The following CDH12 variants were observed in gnomAD, a reference collection of about 807,000 sequenced individuals.
The protein encoded by CDH12 is cadherin 12, also known as cadherin-12.
Under a neutral mutation model 74.1 loss-of-function variants are expected in CDH12, and 41 were observed. The ratio of observed to expected loss-of-function variants is 0.55; its 90% CI spans 0.43 to 0.72. The LOEUF is 0.72. CDH12 is among the 30% of genes least tolerant of loss of function. The probability of loss-of-function intolerance (pLI) is 0.00; values close to 1 mark genes in which losing one functional copy is unlikely to be tolerated. For missense variants in CDH12, 945 were observed against 977.2 expected, an observed-to-expected ratio of 0.97 and a Z score of 0.44; for synonymous variants, 399 against 355.0, an observed-to-expected ratio of 1.12 and a Z score of -1.39.
intron 5 of CDH12, among the ~76,000 whole-genome samples, chr5:21,987,270 C>T (rs1757556735): frequency 6.6e-6 from 1 of 151,938 alleles, no homozygotes; most frequent in Admixed American, 6.6e-5. Context: ...GCTAAAAATT[C>T]TAATTTTTAA....
At chr5:22,793,545 T>C (rs1383895605) in intron 1 of CDH12, among the ~76,000 whole-genome samples, 2 of 152,214 alleles carry the variant, frequency 1.3e-5, no homozygotes, top group East Asian at 1.9e-4. Flanking sequence ...CATTTTATCA[T>C]AAACTTCTAC....
At chr5:22,827,292 T>A (rs958446986) in intron 1 of CDH12, among the ~76,000 whole-genome samples, 3 of 152,222 alleles carry the variant, frequency 2.0e-5, no homozygotes. Context: ...AGATTTCAGA[T>A]GTGTGAAAAT....
At chr5:21,857,159 C>CCTG (rs1168099538) in intron 6 of CDH12, among the ~76,000 whole-genome samples, 1 of 151,766 alleles carries the variant, frequency 6.6e-6, no homozygotes, top group Non-Finnish European at 1.5e-5. Context: ...ACCAGCTGTT[C>CCTG]CTGACACTAT....
chr5:21,936,916 A>C (rs1755098841), intron 6 of CDH12, among the ~76,000 whole-genome samples: 3 of 152,154 alleles, frequency 2.0e-5, no homozygotes, highest in Admixed American at 2.0e-4. Flanking sequence ...CCATGATTAT[A>C]AGTTTACTTA....
chr5:21,785,218 C>A (rs1259785307), intron 10 of CDH12, among the ~76,000 whole-genome samples: 2 of 152,152 alleles, frequency 1.3e-5, no homozygotes, highest in Non-Finnish European at 2.9e-5. Flanking sequence ...CTTAATCAAT[C>A]AACGTTGTGT....
At chr5:22,720,917 G>A (rs1005709479) in intron 1 of CDH12, among the ~76,000 whole-genome samples, 25 of 152,304 alleles carry the variant, frequency 1.6e-4, no homozygotes, top group African/African-American at 5.5e-4. Flanking sequence ...TAAAGGGGAA[G>A]AAGAGTGTAA....
chr5:22,814,913 C>A (rs763954740), intron 1 of CDH12, among the ~76,000 whole-genome samples: 2 of 151,980 alleles, frequency 1.3e-5, no homozygotes, highest in African/African-American at 4.8e-5. Flanking sequence ...ATAAGTAACA[C>A]GAAAACTTTG....
intron 4 of CDH12, among the ~76,000 whole-genome samples, chr5:22,083,644 C>A (rs1175520667): frequency 1.3e-5 from 2 of 152,066 alleles, no homozygotes; most frequent in African/African-American, 4.8e-5. Context: ...TATTATTACA[C>A]CCATTTGACA....
rs191487139 is a variant in CDH12, at chr5:22,636,711, G to C, written c.-522-131347C>G. 3.6e-3 allele frequency among the ~76,000 whole-genome samples: 551 copies of C among 152,292 alleles called. 1 individual carries two copies. Among genetic ancestry groups the C allele is most frequent in the African/African-American group, 0.01 (426 of 41,558 alleles). ...CTAATGGTTACTTTGGCAGAGGAAAGGGTGATGAAAATATTTTTAACTTAG... is the reference window on the plus strand; with the variant it reads ...CTAATGGTTACTTTGGCAGAGGAAACGGTGATGAAAATATTTTTAACTTAG... On this transcript the variant is annotated intron_variant, in intron 1 of 14. Transcript: ENST00000382254.
At chr5:21,913,229 G>C (rs1190471451) in intron 6 of CDH12, among the ~76,000 whole-genome samples, 1 of 152,160 alleles carries the variant, frequency 6.6e-6, no homozygotes, top group African/African-American at 2.4e-5. Context: ...AGAGAGACAG[G>C]AGGACAGAAG....
At chr5:22,287,709 C>T (rs1737217522) in intron 3 of CDH12, among the ~76,000 whole-genome samples, 5 of 111,632 alleles carry the variant, frequency 4.5e-5, no homozygotes, top group South Asian at 6.2e-4. Context: ...GGCTAAAAAG[C>T]GGGACTCCGT....
chr5:21,860,104 C>T (rs1750961980), intron 6 of CDH12, among the ~76,000 whole-genome samples: 2 of 151,946 alleles, frequency 1.3e-5, no homozygotes, highest in South Asian at 4.1e-4. Context: ...CTATACCAGC[C>T]ACGACCACGT....
chr5:21,934,314 T>G (rs1418694246), intron 6 of CDH12, among the ~76,000 whole-genome samples: 4 of 152,164 alleles, frequency 2.6e-5, no homozygotes, highest in African/African-American at 9.7e-5. Context: ...TCTCACAAGA[T>G]CTAGTTGTTT....
chr5:22,808,927 C>T (rs1211763270), intron 1 of CDH12, among the ~76,000 whole-genome samples: 1 of 151,766 alleles, frequency 6.6e-6, no homozygotes. Flanking sequence ...AATTTTCTAA[C>T]AGCCAAGTCT....
intron 7 of CDH12, among the ~76,000 whole-genome samples, chr5:21,849,641 T>C (rs931824739): frequency 2.0e-5 from 3 of 151,754 alleles, no homozygotes; most frequent in Non-Finnish European, 2.9e-5. Flanking sequence ...AGTGACTTCA[T>C]TGTGTTGGAA....
intron 4 of CDH12, among the ~76,000 whole-genome samples, chr5:22,180,843 C>G (rs1173279116): frequency 6.6e-6 from 1 of 152,044 alleles, no homozygotes. Context: ...ACTGCAGTTA[C>G]CCACAGAATC....
intron 5 of CDH12, among the ~76,000 whole-genome samples, chr5:22,014,043 A>G (rs966169583): frequency 6.6e-6 from 1 of 152,114 alleles, no homozygotes. Context: ...CCTGGCCCAC[A>G]TGGTGAAAAC....
At chr5:22,315,962 A>C (rs1247315758) in intron 3 of CDH12, among the ~76,000 whole-genome samples, 1 of 152,124 alleles carries the variant, frequency 6.6e-6, no homozygotes, top group Non-Finnish European at 1.5e-5. Context: ...CAGGGTTTAA[A>C]TAGGAACAAG....
At chr5:22,642,715 T>A (rs1373892090) in intron 1 of CDH12, among the ~76,000 whole-genome samples, 1 of 152,188 alleles carries the variant, frequency 6.6e-6, no homozygotes, top group Non-Finnish European at 1.5e-5. Flanking sequence ...AAGATTTACA[T>A]AATCAGAGTA....
Sources: gnomAD v4.1 joint callset for allele counts (sites outside exome capture counted in the v4.1 genomes callset) on GRCh38, gnomAD v4.1.1 for gene constraint, MANE v1.5 for transcripts, NCBI Gene and HGNC (gene_info 2026-07-23, HGNC 2026-07-21) for gene names.